MEIS1: variants seen among roughly 807,000 people sequenced by gnomAD.
The protein encoded by MEIS1 is homeobox protein Meis1.
Under a neutral mutation model 50.8 loss-of-function variants are expected in MEIS1, and 5 were observed. The observed-to-expected ratio is 0.10, with a 90% CI of 0.05 to 0.21. The LOEUF is 0.21. Among genes scored for constraint, MEIS1 ranks in the 10% least tolerant of loss-of-function variants. The pLI is 1.00. For missense variants in MEIS1, 318 were observed against 517.3 expected (o/e 0.61, Z 3.74); for synonymous variants, 176 against 179.3 (o/e 0.98, Z 0.15).
At chr2:66,531,799 A>G (rs2103895534) in intron 8 of MEIS1, among the ~76,000 whole-genome samples, 1 of 152,314 alleles carries the variant, frequency 6.6e-6, no homozygotes, top group African/African-American at 2.4e-5. Flanking sequence ...AGCAGGGCCA[A>G]GGATGCGGCG....
At chr2:66,446,777 G>A (rs1381201056) in intron 6 of MEIS1, among the ~76,000 whole-genome samples, 1 of 152,222 alleles carries the variant, frequency 6.6e-6, no homozygotes, top group Non-Finnish European at 1.5e-5. Flanking sequence ...CCGAGCTCCC[G>A]GGGGACGGCC....
intron 10 of MEIS1, 194 bp downstream of exon 10, chr2:66,567,705 GA>G (rs958399132): frequency 8.1e-5 from 52 of 645,476 alleles, no homozygotes; most frequent in Admixed American, 2.8e-4. Flanking sequence ...GGAGAAGGTG[GA>G]AAAAAAAAGC....
intron 7 of MEIS1, among the ~76,000 whole-genome samples, chr2:66,484,644 T>C (rs1184731183): frequency 6.6e-6 from 1 of 152,046 alleles, no homozygotes; most frequent in East Asian, 1.9e-4. Flanking sequence ...CTGCAACCTC[T>C]CCCTCCTGGG....
At chr2:66,569,958 G>A (rs1293306425) in intron 12 of MEIS1, 1 of 152,280 alleles carries the variant, frequency 6.6e-6, no homozygotes, top group Non-Finnish European at 1.5e-5. Context: ...AGACACTCCA[G>A]CAATTCGAGT....
rs1176043057 is a variant in MEIS1 at position 66,571,383 on chromosome 2, A to G, written c.*175A>G. ...TCATGGGCCCCCCATGCATACGTAC[A>G]TTCCTGGACACCCTCACCACCCAAC... On this transcript the variant is annotated 3_prime_UTR_variant, in exon 13 of 13. Transcript: ENST00000272369. The G allele has an allele frequency of 1.9e-6, 3 of 1,603,584 alleles. No homozygotes were observed. Among genetic ancestry groups the G allele is most frequent in the African/African-American group, 1.3e-5 (1 of 74,590 alleles).
chr2:66,461,886 A>T (rs1459403169), intron 6 of MEIS1: 1 of 470,942 alleles, frequency 2.1e-6, no homozygotes, highest in Admixed American at 2.4e-5. Flanking sequence ...TGATGAAAAA[A>T]GGTAGGCACA....
At chr2:66,562,585 C>A (rs764599543) in intron 9 of MEIS1, among the ~76,000 whole-genome samples, 1 of 152,030 alleles carries the variant, frequency 6.6e-6, no homozygotes, top group Non-Finnish European at 1.5e-5. Context: ...GGAGATTTTG[C>A]TCCCCTGCCA....
Position 66,541,791 on chromosome 2 carries a change from G to A in MEIS1, c.889-6152G>A, listed in dbSNP as rs543075200. Among the ~76,000 whole-genome samples the A allele has an allele frequency of 7.2e-5, 11 of 152,300 alleles. No individual in the cohort carries two copies. In the South Asian group the frequency reaches 1.7e-3, roughly 23 times the overall value. On this transcript the variant is annotated intron_variant, in intron 8 of 12. Transcript: ENST00000272369. The stretch of plus-strand genomic sequence containing the variant: ...TCCTTCTTTTGATTCCAGCATGTGC[G>A]AGGATGCAGGACTCAACTACTATGC...
Position 66,437,762 on chromosome 2 carries a change from G to A in MEIS1, c.38G>A (p.Gly13Asp), listed in dbSNP as rs1310247578. The change falls in exon 2 of 13, where the codon GGC (glycine) becomes GAC (aspartate). Residue 13 changes from glycine to aspartate, a missense_variant. Physicochemically the swap from Gly to Asp is moderately conservative, Grantham distance 94 (BLOSUM62 -1). Transcript: ENST00000272369. The part of the protein sequence containing the change: ...QRYDDLPHYG[G>D]MDGVGIPSTM... ...TACGACGATCTACCCCATTACGGGG[G>A]CATGGATGGAGTAGGCATCCCCTCC... is the stretch of plus-strand genomic sequence containing the variant. The A allele has an allele frequency of 6.2e-7, 1 of 1,613,840 alleles. No homozygotes were observed.
chr2:66,469,756 C>G (rs910776907), intron 7 of MEIS1, among the ~76,000 whole-genome samples: 4 of 152,090 alleles, frequency 2.6e-5, no homozygotes, highest in Non-Finnish European at 5.9e-5. Context: ...GTGTTGCCCT[C>G]CCTCCTTTAT....
chr2:66,542,062 G>A (rs1674666601), intron 8 of MEIS1, among the ~76,000 whole-genome samples: 1 of 152,114 alleles, frequency 6.6e-6, no homozygotes, highest in South Asian at 2.1e-4. Context: ...GGGGAAAATG[G>A]CTGCAAGTTT....
chr2:66,522,459 T>C (rs1447334903), intron 8 of MEIS1, among the ~76,000 whole-genome samples: 1 of 152,236 alleles, frequency 6.6e-6, no homozygotes, highest in Non-Finnish European at 1.5e-5. Context: ...CTGTTGGAGA[T>C]GCCTGTTGCC....
intron 7 of MEIS1, among the ~76,000 whole-genome samples, chr2:66,491,042 G>T (rs1286525514): frequency 7.5e-6 from 1 of 133,482 alleles, no homozygotes; most frequent in South Asian, 2.4e-4. Context: ...ACAACAACAA[G>T]AAAAAAAAAA....
chr2:66,443,983 C>T lies in MEIS1; in HGVS notation c.630+935C>T, dbSNP rs190936929. Among the ~76,000 whole-genome samples, 207 of 152,316 alleles carry T rather than the reference C, an allele frequency of 1.4e-3. 1 individual carries two copies. Among genetic ancestry groups the T allele is most frequent in the African/African-American group, 4.8e-3 (198 of 41,570 alleles). Reference sequence around the variant, plus strand: ...CTCTCTCTCTGTCACCCCAACACCACCGTTTGCTCCCAGGGTGCCTCTCTC... The same window carrying T: ...CTCTCTCTCTGTCACCCCAACACCATCGTTTGCTCCCAGGGTGCCTCTCTC... On this transcript the variant is annotated intron_variant, in intron 6 of 12. Transcript: ENST00000272369.
Position 66,495,080 on chromosome 2 carries a change from C to CTTT in MEIS1, c.743-17043_743-17041dup, listed in dbSNP as rs70943701. 4.6e-4 allele frequency among the ~76,000 whole-genome samples: 42 copies of CTTT among 91,498 alleles called. 6 individuals are homozygous for CTTT. The highest frequency in any genetic ancestry group is 4.5e-4 in the Non-Finnish European group (22 of 48,542). 60.0% of individuals were successfully genotyped at this position (91,498 alleles called of 152,430 possible). ...GAATGCCCACTTTCCCTCTTCTGAC[C>CTTT]TTTTTTTTTTTTTTTTTTTTTTTTT... On this transcript the variant is annotated intron_variant, in intron 7 of 12. Coordinates refer to ENST00000272369, the MANE Select transcript of MEIS1 (RefSeq NM_002398.3).
At chr2:66,512,365 G>A in intron 8 of MEIS1, 71 bp downstream of exon 8, 2 of 1,470,630 alleles carry the variant, frequency 1.4e-6, no homozygotes, top group Admixed American at 5.2e-5. Flanking sequence ...AAAAAAATGA[G>A]AAAAAAGTGA....
intron 7 of MEIS1, among the ~76,000 whole-genome samples, chr2:66,497,928 C>T (rs1226143211): frequency 1.3e-5 from 2 of 152,002 alleles, no homozygotes; most frequent in Admixed American, 6.5e-5. Flanking sequence ...CACTGCCACC[C>T]ATTGTTACTC....
intron 9 of MEIS1, among the ~76,000 whole-genome samples, chr2:66,551,341 A>G (rs1235638367): frequency 6.6e-6 from 1 of 152,208 alleles, no homozygotes; most frequent in Non-Finnish European, 1.5e-5. Context: ...TGAGGGGAGA[A>G]AGGCAAAAGA....
chr2:66,501,664 A>G (rs1485833608), intron 7 of MEIS1, among the ~76,000 whole-genome samples: 1 of 152,160 alleles, frequency 6.6e-6, no homozygotes, highest in Non-Finnish European at 1.5e-5. Context: ...AAAAAAAAAA[A>G]ACTTGGAAAA....
Sources: gnomAD v4.1 joint callset for allele counts (sites outside exome capture counted in the v4.1 genomes callset) on GRCh38, gnomAD v4.1.1 for gene constraint, MANE v1.5 for transcripts, NCBI Gene and HGNC (gene_info 2026-07-23, HGNC 2026-07-21) for gene names.